Variants in ENTPD7 observed in about 807,000 individuals in gnomAD.
ENTPD7 encodes NTPDase 7.
Under a neutral mutation model 77.9 loss-of-function variants are expected in ENTPD7, and 53 were observed. The observed-to-expected ratio is 0.68, with a 90% CI of 0.55 to 0.85. ENTPD7 has a LOEUF of 0.85. Among genes scored for constraint, ENTPD7 ranks in the 40% least tolerant of loss-of-function variants. The pLI, the probability that ENTPD7 is intolerant of heterozygous loss-of-function variation, is 0.00. For missense variants in ENTPD7, 636 were observed against 743.7 expected (o/e 0.86, Z 1.68); for synonymous variants, 248 against 274.9 (o/e 0.90, Z 0.97).
intron 3 of ENTPD7, among the ~76,000 whole-genome samples, chr10:99,673,205 T>C (rs1747111925): frequency 6.6e-6 from 1 of 152,222 alleles, no homozygotes; most frequent in Non-Finnish European, 1.5e-5. Context: ...GACTTTTCTC[T>C]TGGGCTTTTG....
Position 99,711,082 on chromosome 10 carries a change from G to A in ENTPD7, c.*6399G>A. On this transcript the variant is annotated 3_prime_UTR_variant, in exon 13 of 13. Transcript: ENST00000370489. ...CAATATTTGATATGTGTCTGGGAGTGCTGGGAATAACATAAATACAAAAAA... is the reference window on the plus strand; with the variant it reads ...CAATATTTGATATGTGTCTGGGAGTACTGGGAATAACATAAATACAAAAAA... 2.1e-6 allele frequency: 2 copies of A among 956,374 alleles called. No homozygotes were observed. The highest frequency in any genetic ancestry group is 2.4e-6 in the Non-Finnish European group (2 of 819,802). The allele number at this position is 956,374 out of a possible 1,614,324, so 59.2% of individuals were successfully genotyped here. A position where few individuals can be genotyped will look rare whatever the true frequency, so the allele number is the denominator to read the frequency against.
intron 2 of ENTPD7, 72 bp from the exon 3 acceptor site, chr10:99,661,374 C>T: frequency 2.2e-6 from 3 of 1,369,594 alleles, no homozygotes; most frequent in East Asian, 2.4e-5. Context: ...GGGTTTTATC[C>T]AATTTTAAAA....
In ENTPD7 at chr10:99,711,069, T is replaced by C. The variant is rs1363938860; in HGVS notation, c.*6386T>C. The stretch of plus-strand genomic sequence containing the variant: ...GCATTCACTAATTCAATATTTGATA[T>C]GTGTCTGGGAGTGCTGGGAATAACA... On this transcript the variant is annotated 3_prime_UTR_variant, in exon 13 of 13. Coordinates refer to ENST00000370489, the MANE Select transcript of ENTPD7 (RefSeq NM_020354.5). 2 of 981,468 alleles carry C rather than the reference T, an allele frequency of 2.0e-6. No homozygotes were observed. The highest frequency in any genetic ancestry group is 1.8e-5 in the African/African-American group (1 of 56,072). 60.8% of individuals were successfully genotyped at this position (981,468 alleles called of 1,614,324 possible). A position where few individuals can be genotyped will look rare whatever the true frequency, so the allele number is the denominator to read the frequency against.
chr10:99,662,389 T>G (rs2035498273), intron 3 of ENTPD7, among the ~76,000 whole-genome samples: 1 of 152,188 alleles, frequency 6.6e-6, no homozygotes, highest in Admixed American at 6.5e-5. Flanking sequence ...ATTATCACAA[T>G]CTTCCTTCAA....
At chr10:99,669,740 GT>G (rs71472510) in intron 3 of ENTPD7, among the ~76,000 whole-genome samples, 44 of 59,294 alleles carry the variant, frequency 7.4e-4, no homozygotes, top group African/African-American at 2.7e-3. Flanking sequence ...TAGATGTGTG[GT>G]TTTTTTTTTT....
intron 7 of ENTPD7, among the ~76,000 whole-genome samples, chr10:99,689,806 A>T (rs190644267): frequency 1.3e-5 from 2 of 152,356 alleles, no homozygotes; most frequent in Admixed American, 1.3e-4. Context: ...AGATTGCAAA[A>T]TGGTGATATT....
intron 3 of ENTPD7, among the ~76,000 whole-genome samples, chr10:99,674,138 A>T (rs1360492328): frequency 2.0e-5 from 3 of 152,210 alleles, no homozygotes; most frequent in Non-Finnish European, 1.5e-5. Flanking sequence ...CCAAGGAGAC[A>T]GGAGAGGGGA....
intron 5 of ENTPD7, among the ~76,000 whole-genome samples, chr10:99,684,340 C>G (rs149629517): frequency 3.5e-4 from 53 of 152,356 alleles, no homozygotes; most frequent in African/African-American, 7.9e-4. Context: ...GCATGAGCCA[C>G]TGCACCCAGC....
rs1203829829 is a variant in ENTPD7, at chr10:99,707,623, A to G, written c.*2940A>G. 2.0e-5 allele frequency among the ~76,000 whole-genome samples: 3 copies of G among 152,206 alleles called. No individual in the cohort carries two copies. The highest frequency in any genetic ancestry group is 4.4e-5 in the Non-Finnish European group (3 of 68,036). On this transcript the variant is annotated 3_prime_UTR_variant, in exon 13 of 13. Transcript: ENST00000370489. ...TTACCAACCACTCTTGTTAACAGAG[A>G]CAATGAACCTGAACTGTTTTAGGAC...
chr10:99,688,655 G>A (rs1283128232), intron 6 of ENTPD7, 39 bp from the exon 7 acceptor site: 1 of 1,606,788 alleles, frequency 6.2e-7, no homozygotes, highest in Non-Finnish European at 8.5e-7. Flanking sequence ...TGGCATAGCA[G>A]TAGAGAATTA....
chr10:99,672,286 A>ACATTTATT (rs2035627211), intron 3 of ENTPD7, among the ~76,000 whole-genome samples: 1 of 146,860 alleles, frequency 6.8e-6, no homozygotes, highest in South Asian at 2.1e-4. Flanking sequence ...TGTCTGTCCC[A>ACATTTATT]CATTTATTCA....
Position 99,710,537 on chromosome 10 carries a change from A to G in ENTPD7, c.*5854A>G. On this transcript the variant is annotated 3_prime_UTR_variant, in exon 13 of 13. Transcript: ENST00000370489. ...TTTTTCTACTGCTTCACATTAAACA[A>G]TAATTTTGTTGAATTTTGAATTCTT... 1 of 985,426 alleles carries G rather than the reference A, an allele frequency of 1.0e-6. No homozygotes were observed. Among genetic ancestry groups the G allele is most frequent in the Non-Finnish European group, 1.2e-6 (1 of 829,910 alleles). 61.0% of individuals were successfully genotyped at this position (985,426 alleles called of 1,614,324 possible). A position where few individuals can be genotyped will look rare whatever the true frequency, so the allele number is the denominator to read the frequency against.
Position 99,710,092 on chromosome 10 carries a change from CT to C in ENTPD7, c.*5410del. ...CATAAAGACATGTCTGCTCCTGAGC[CT>C]CTTCTTTTAAAGGGCAACCACTTGT... is the stretch of plus-strand genomic sequence containing the variant. On this transcript the variant is annotated 3_prime_UTR_variant, in exon 13 of 13. Coordinates refer to ENST00000370489, the MANE Select transcript of ENTPD7 (RefSeq NM_020354.5). 1.0e-6 allele frequency: 1 copy of C among 985,396 alleles called. No individual in the cohort carries two copies. The highest frequency in any genetic ancestry group is 1.2e-6 in the Non-Finnish European group (1 of 829,934). 61.0% of individuals were successfully genotyped at this position (985,396 alleles called of 1,614,324 possible).
Position 99,704,838 on chromosome 10 carries a change from G to A in ENTPD7, c.*155G>A, listed in dbSNP as rs115784655. ...TACTTTCTACCGTAATTCCTTCTCC[G>A]TACCCAGGTCTTCTCTGAGAGAAGC... On this transcript the variant is annotated 3_prime_UTR_variant, in exon 13 of 13. Coordinates refer to ENST00000370489, the MANE Select transcript of ENTPD7 (RefSeq NM_020354.5). The A allele has an allele frequency of 3.5e-5, 24 of 684,210 alleles. No homozygotes were observed. The East Asian group carries it at 4.1e-4, about 12-fold the overall frequency. 42.4% of individuals were successfully genotyped at this position (684,210 alleles called of 1,614,324 possible).
At chr10:99,701,275 T>G (rs2036117384) in intron 11 of ENTPD7, among the ~76,000 whole-genome samples, 1 of 138,458 alleles carries the variant, frequency 7.2e-6, no homozygotes, top group Non-Finnish European at 1.5e-5. Context: ...AACAAGTGAT[T>G]TGACAACAAA....
chr10:99,664,209 A>C (rs1232779694), intron 3 of ENTPD7, among the ~76,000 whole-genome samples: 3 of 152,154 alleles, frequency 2.0e-5, no homozygotes, highest in Non-Finnish European at 4.4e-5. Context: ...TGAAGCTACA[A>C]AATTAAATAA....
chr10:99,680,389 C>T (rs1252379474), intron 5 of ENTPD7, among the ~76,000 whole-genome samples: 1 of 152,154 alleles, frequency 6.6e-6, no homozygotes, highest in Non-Finnish European at 1.5e-5. Flanking sequence ...CACCTGATCC[C>T]TCTTCCTGCA....
chr10:99,669,178 C>T (rs2035588110), intron 3 of ENTPD7, among the ~76,000 whole-genome samples: 1 of 151,828 alleles, frequency 6.6e-6, no homozygotes, highest in South Asian at 2.1e-4. Flanking sequence ...GTCCTAGGCC[C>T]ATTCATTGTT....
Position 99,691,554 on chromosome 10 carries a change from A to G in ENTPD7, c.843+36A>G, listed in dbSNP as rs758453824. 3 of 1,609,806 alleles carry G rather than the reference A, an allele frequency of 1.9e-6. No homozygotes were observed. In the South Asian group the frequency reaches 3.3e-5, roughly 18 times the overall value. Reference sequence around the variant, plus strand: ...TTTTAGGGAAATTTAGTTGCTAGGAATGCTAGTATTTGAGAAGGAAGGACA... The same window carrying G: ...TTTTAGGGAAATTTAGTTGCTAGGAGTGCTAGTATTTGAGAAGGAAGGACA... On this transcript the variant is annotated intron_variant, in intron 8 of 12. Coordinates refer to ENST00000370489, the MANE Select transcript of ENTPD7 (RefSeq NM_020354.5).
Sources: gnomAD v4.1 joint callset for allele counts (sites outside exome capture counted in the v4.1 genomes callset) on GRCh38, gnomAD v4.1.1 for gene constraint, MANE v1.5 for transcripts, NCBI Gene and HGNC (gene_info 2026-07-23, HGNC 2026-07-21) for gene names.